EPX: variants seen among roughly 807,000 people sequenced by gnomAD.
The protein encoded by EPX is eosinophil peroxidase.
EPX carries 60 observed loss-of-function variants against 73.0 expected under a neutral mutation model. The ratio of observed to expected loss-of-function variants is 0.82; its 90% CI spans 0.67 to 1.02. The LOEUF (loss-of-function observed/expected upper bound fraction) is 1.02. Among genes scored for constraint, EPX ranks in the 50% least tolerant of loss-of-function variants. The probability of loss-of-function intolerance (pLI) is 0.00; values close to 1 mark genes in which losing one functional copy is unlikely to be tolerated. For synonymous variants in EPX, 347 were observed against 389.2 expected (o/e 0.89, Z 1.28); for missense variants, 950 against 973.9 (o/e 0.98, Z 0.33).
chr17:58,193,153 G>C (rs751265530), intron 2 of EPX, 22 bp downstream of exon 2: 1 of 1,538,504 alleles, frequency 6.5e-7, no homozygotes, highest in Non-Finnish European at 9.0e-7. Context: ...TCTGGGGGCT[G>C]CATGGGCCTG....
chr17:58,197,094 C>A lies in EPX; in HGVS notation c.957C>A (p.Val319=). Residue 319 remains valine (V), a synonymous_variant, in exon 7 of 13, where the codon GTC becomes GTA. Transcript: ENST00000225371. The part of the protein sequence containing the change: ...VDASMVYGSE[V]SLSLRLRNRT... ...CCAGCATGGTGTATGGCAGTGAGGT[C>A]TCCCTCTCGCTGCGGCTCCGCAACC... The A allele has an allele frequency of 6.2e-7, 1 of 1,614,220 alleles. No homozygotes were observed. Among genetic ancestry groups the A allele is most frequent in the South Asian group, 1.1e-5 (1 of 91,090 alleles).
At chr17:58,193,892 C>T (rs1968217210) in intron 4 of EPX, 61 bp downstream of exon 4, 2 of 1,606,434 alleles carry the variant, frequency 1.2e-6, no homozygotes, top group Admixed American at 3.3e-5. Context: ...TTCCTGCACC[C>T]ACCCTCTCCC....
At position 58,204,421 on chromosome 17, in the gene EPX, T is replaced by A. The variant is rs747275100; in HGVS notation, c.2146T>A (p.Ter716ArgextTer70). 3 of 1,612,984 alleles carry A rather than the reference T, an allele frequency of 1.9e-6. No homozygotes were observed. The Admixed American group carries it at 5.0e-5, about 27-fold the overall frequency. ...RLNLSAWRGT[*>R] ...GAACCTATCAGCCTGGCGAGGGACA[T>A]GAGGCTTCTGCAGGTAAGGGGAGGC... is the stretch of plus-strand genomic sequence containing the variant. Residue 716 changes from the stop codon to arginine (R), a stop_lost, in exon 12 of 13, where the codon TGA (stop) becomes AGA (arginine). Coordinates refer to ENST00000225371, the MANE Select transcript of EPX (RefSeq NM_000502.6).
Position 58,197,073 on chromosome 17 carries a change from C to T in EPX, c.936C>T (p.Ser312=). 1 of 1,614,222 alleles carries T rather than the reference C, an allele frequency of 6.2e-7. No individual in the cohort carries two copies. Among genetic ancestry groups the T allele is most frequent in the East Asian group, 2.2e-5 (1 of 44,882 alleles). Residue 312 remains serine, a synonymous_variant, in exon 7 of 13, where the codon AGC becomes AGT. Transcript: ENST00000225371. ...INALTSFVDA[S]MVYGSEVSLS... ...CGCTCACCTCCTTTGTGGACGCCAGCATGGTGTATGGCAGTGAGGTCTCCC... is the reference window on the plus strand; with the variant it reads ...CGCTCACCTCCTTTGTGGACGCCAGTATGGTGTATGGCAGTGAGGTCTCCC...
chr17:58,195,759 C>T (rs1416139206), intron 6 of EPX, among the ~76,000 whole-genome samples: 1 of 152,180 alleles, frequency 6.6e-6, no homozygotes, highest in Non-Finnish European at 1.5e-5. Context: ...CACACAGTCA[C>T]CCTTAATAGG....
At position 58,199,632 on chromosome 17, in the gene EPX, G is replaced by C; in HGVS notation, c.1375G>C (p.Asp459His). 1 of 1,614,190 alleles carries C rather than the reference G, an allele frequency of 6.2e-7. No homozygotes were observed. Among genetic ancestry groups the C allele is most frequent in the Non-Finnish European group, 8.5e-7 (1 of 1,180,030 alleles). ...CTACAGGGGGTACTGCTCCAATGTG[G>C]ACCCACGGGTGGCCAATGTCTTCAC... is the stretch of plus-strand genomic sequence containing the variant. ...GHYRGYCSNV[D>H]PRVANVFTLA... Residue 459 changes from aspartate to histidine, a missense_variant, in exon 9 of 13, where the codon GAC becomes CAC. Asp to His is a moderately conservative substitution (Grantham distance 81, BLOSUM62 -1). Coordinates refer to ENST00000225371, the MANE Select transcript of EPX (RefSeq NM_000502.6).
At chr17:58,202,199 TG>T (rs1338624143) in intron 10 of EPX, among the ~76,000 whole-genome samples, 5 of 152,322 alleles carry the variant, frequency 3.3e-5, no homozygotes, top group African/African-American at 1.2e-4. Flanking sequence ...TGGGTTCCGC[TG>T]GGGGATGGTG....
Position 58,193,728 on chromosome 17 carries a change from C to T in EPX, c.361C>T (p.Pro121Ser). ...PFNVTDVLTE[P>S]QLRLLSQASG... ...CCTTCCCACAGATGTGCTAACAGAA[C>T]CACAGCTGCGGCTGCTGTCCCAGGC... The change falls in exon 4 of 13, where the codon CCA becomes TCA. Residue 121 changes from proline to serine, a missense_variant. Pro to Ser is a moderately conservative substitution (Grantham distance 74). Transcript: ENST00000225371. 1 of 1,611,802 alleles carries T rather than the reference C, an allele frequency of 6.2e-7. No homozygotes were observed. Among genetic ancestry groups the T allele is most frequent in the South Asian group, 1.1e-5 (1 of 90,960 alleles).
intron 11 of EPX, 42 bp downstream of exon 11, chr17:58,203,360 A>G (rs1223931539): frequency 7.5e-7 from 1 of 1,326,580 alleles, no homozygotes; most frequent in South Asian, 1.2e-5. Flanking sequence ...CCAGAGGCAG[A>G]GCAGAAAAAC....
At position 58,199,143 on chromosome 17, in the gene EPX, G is replaced by C. The variant is rs1205202903; in HGVS notation, c.1224G>C (p.Arg408=). The change falls in exon 8 of 13, where the codon CGG becomes CGC. Residue 408 remains arginine (R), a synonymous_variant. Transcript: ENST00000225371. ...LATELRRLNP[R]WNGDKLYNEA... is the part of the protein sequence containing the mutation. ...CCGAGCTGAGACGCCTGAATCCCCG[G>C]TGGAATGGAGACAAACTGTACAATG... The C allele has an allele frequency of 1.2e-5, 19 of 1,614,022 alleles. No homozygotes were observed. Among genetic ancestry groups the C allele is most frequent in the Non-Finnish European group, 1.6e-5 (19 of 1,180,018 alleles).
At chr17:58,197,332 G>T in intron 7 of EPX, 75 bp downstream of exon 7, 1 of 1,564,860 alleles carries the variant, frequency 6.4e-7, no homozygotes, top group Middle Eastern at 1.7e-4. Flanking sequence ...GCAATGGTGG[G>T]ATGTGGTGAA....
At chr17:58,196,816 G>A (rs1968262415) in intron 6 of EPX, 123 bp from the exon 7 acceptor site, 2 of 783,242 alleles carry the variant, frequency 2.6e-6, no homozygotes, top group South Asian at 2.8e-5. Context: ...GCCTGGGTGA[G>A]TCAAGGAGGG....
In EPX at chr17:58,195,005, G is replaced by C. The variant is rs371439084; in HGVS notation, c.636G>C (p.Glu212Asp). ...VSNQIVRFPN[E>D]RLTSDRGRAL... ...ACCAGATTGTGCGCTTCCCCAATGA[G>C]AGACTGACCTCCGACCGTGGCCGAG... The change falls in exon 6 of 13, where the codon GAG becomes GAC. Residue 212 changes from glutamate to aspartate, a missense_variant. Transcript: ENST00000225371. 1.9e-6 allele frequency: 3 copies of C among 1,614,088 alleles called. No individual in the cohort carries two copies. Among genetic ancestry groups the C allele is most frequent in the African/African-American group, 2.7e-5 (2 of 74,928 alleles).
At position 58,199,793 on chromosome 17, in the gene EPX, A is replaced by G; in HGVS notation, c.1536A>G (p.Glu512=). Residue 512 remains glutamate (E), a splice_region_variant and synonymous_variant, in exon 9 of 13, where the codon GAA becomes GAG. Coordinates refer to ENST00000225371, the MANE Select transcript of EPX (RefSeq NM_000502.6). The part of the protein sequence containing the change: ...AFFASWRIVY[E]GGIDPILRGL... ...TTGCCAGCTGGCGGATCGTGTATGA[A>G]GGTGACCAGGTTTTCCAGGGGGCAA... 2 of 1,599,962 alleles carry G rather than the reference A, an allele frequency of 1.3e-6. No individual in the cohort carries two copies. The highest frequency in any genetic ancestry group is 1.4e-5 in the African/African-American group (1 of 71,572).
At chr17:58,199,910 TC>T in intron 9 of EPX, 116 bp downstream of exon 9, 1 of 1,120,704 alleles carries the variant, frequency 8.9e-7, no homozygotes, top group Non-Finnish European at 1.3e-6. Context: ...TGCTAATATC[TC>T]CCCAGGACAG....
rs34021481 is a variant in EPX, at chr17:58,201,099, G to A, written c.1708+704G>A. 3.9e-3 allele frequency among the ~76,000 whole-genome samples: 590 copies of A among 152,292 alleles called. 8 individuals carry two copies. Among genetic ancestry groups the A allele is most frequent in the South Asian group, 0.016 (79 of 4,828 alleles). On this transcript the variant is annotated intron_variant, in intron 10 of 12. Transcript: ENST00000225371. ...TTACAATTTCTCCTTTCTTCCCCCT[G>A]TTCAACCCCAGTAGGGGAAGGTTTT... is the stretch of plus-strand genomic sequence containing the variant.
rs1288169209 is a variant in EPX, at chr17:58,192,757, G to A, written c.-90G>A. Reference sequence around the variant, plus strand: ...CTGGAGGAAGTGAGAGGTCGGCTGGGGGTCCTCAAAGTGAGAGGGGAGCAG... The same window carrying A: ...CTGGAGGAAGTGAGAGGTCGGCTGGAGGTCCTCAAAGTGAGAGGGGAGCAG... On this transcript the variant is annotated 5_prime_UTR_variant, in exon 1 of 13. Transcript: ENST00000225371. 1 of 1,117,342 alleles carries A rather than the reference G, an allele frequency of 8.9e-7. No individual in the cohort carries two copies. The highest frequency in any genetic ancestry group is 1.9e-5 in the Admixed American group (1 of 51,322). The allele number at this position is 1,117,342 out of a possible 1,614,324, so 69.2% of individuals were successfully genotyped here.
rs373200005 is a variant in EPX, at chr17:58,192,894, C to T, written c.48C>T (p.Leu16=). 276 of 1,614,044 alleles carry T rather than the reference C, an allele frequency of 1.7e-4. No homozygotes were observed. The highest frequency in any genetic ancestry group is 2.3e-4 in the Admixed American group (14 of 60,006). ...CAGGGGTCCTGGCCACACTCGTCCTCGCCCAGCCCTGTGAGGGCACTGACC... is the reference window on the plus strand; with the variant it reads ...CAGGGGTCCTGGCCACACTCGTCCTTGCCCAGCCCTGTGAGGGCACTGACC... ...ALAGVLATLV[L]AQPCEGTDPA... Residue 16 remains leucine, a synonymous_variant, in exon 1 of 13, where the codon CTC becomes CTT. Coordinates refer to ENST00000225371, the MANE Select transcript of EPX (RefSeq NM_000502.6).
chr17:58,194,918 G>A (rs981258813), intron 5 of EPX, 46 bp from the exon 6 acceptor site: 2 of 1,470,844 alleles, frequency 1.4e-6, no homozygotes, highest in East Asian at 4.6e-5. Context: ...AATACCTTGT[G>A]GGGTCAGGGA....
Sources: allele counts gnomAD v4.1 joint callset (sites outside exome capture counted in the v4.1 genomes callset), GRCh38; gene constraint gnomAD v4.1.1; transcripts MANE v1.5; gene names NCBI Gene and HGNC (gene_info 2026-07-23, HGNC 2026-07-21).